The following PDE4DIP variants were observed in gnomAD, a reference collection of about 807,000 sequenced individuals.
PDE4DIP encodes phosphodiesterase 4D interacting protein, also known as myomegalin.
Under a neutral mutation model 221.4 loss-of-function variants are expected in PDE4DIP, and 59 were observed. That is an observed-to-expected ratio of 0.27 (90% confidence interval 0.22 to 0.33). PDE4DIP has a LOEUF of 0.33. PDE4DIP is among the 10% of genes least tolerant of loss of function. The pLI is 1.00. For synonymous variants in PDE4DIP, 404 were observed against 815.9 expected (o/e 0.50, Z 8.60); for missense variants, 1,036 against 2,154.2 (o/e 0.48, Z 10.28).
intron 37 of PDE4DIP, 149 bp from the exon 41 acceptor site, chr1:149,024,296 C>T (rs1371588239): frequency 4.2e-6 from 3 of 722,018 alleles, no homozygotes; most frequent in Non-Finnish European, 4.6e-6. Context: ...CCAGGCCACA[C>T]ACAGAAATGG....
At chr1:148,861,554 C>T (rs1388342099) in intron 1 of PDE4DIP, among the ~76,000 whole-genome samples, 3 of 54,474 alleles carry the variant, frequency 5.5e-5, no homozygotes, top group African/African-American at 2.1e-4. Flanking sequence ...AGGAGAATCG[C>T]TTGAACCTGG....
chr1:148,927,859 T>C (rs1348014624), intron 1 of PDE4DIP, among the ~76,000 whole-genome samples: 3 of 152,136 alleles, frequency 2.0e-5, no homozygotes, highest in African/African-American at 7.2e-5. Flanking sequence ...CCTACAAACC[T>C]GCCCCTATTT....
chr1:149,029,952 A>C (rs2798856), intron 42 of PDE4DIP, 27 bp downstream of exon 45: 52 of 1,103,032 alleles, frequency 4.7e-5, no homozygotes, highest in South Asian at 2.9e-4. Flanking sequence ...GGAATGGGGG[A>C]AGAAACAGGC....
intron 23 of PDE4DIP, among the ~76,000 whole-genome samples, chr1:148,998,719 A>T (rs1455816914): frequency 7.1e-6 from 1 of 140,482 alleles, no homozygotes; most frequent in Admixed American, 7.1e-5. Flanking sequence ...AGAACAGTTC[A>T]CGAAGGAGGA....
At chr1:149,001,621 T>A in exon 24 of PDE4DIP, 1 of 1,613,214 alleles carries the variant, frequency 6.2e-7, no homozygotes, top group Admixed American at 1.7e-5. Context: ...GCCTTGAGAA[T>A]GCGGAGCTGA....
chr1:148,967,543 C>T (rs1228720453), intron 12 of PDE4DIP, among the ~76,000 whole-genome samples, 183 bp from the exon 16 acceptor site: 2 of 152,248 alleles, frequency 1.3e-5, no homozygotes, highest in Admixed American at 6.5e-5. Context: ...TCTCCACAAA[C>T]TAGATAAAAG....
At chr1:148,937,960 AAC>A (rs1553476481) in intron 5 of PDE4DIP, 96 bp downstream of exon 8, 2 of 577,830 alleles carry the variant, frequency 3.5e-6, no homozygotes, top group African/African-American at 3.8e-5. Flanking sequence ...ATTGTTGTGT[AAC>A]AGATTACTAC....
chr1:148,929,405 A>G (rs2047346617), intron 2 of PDE4DIP, 132 bp downstream of exon 5: 5 of 1,249,392 alleles, frequency 4.0e-6, no homozygotes, highest in Non-Finnish European at 4.4e-6. Flanking sequence ...AACTGAAACA[A>G]TAGATTTTCA....
intron 5 of PDE4DIP, among the ~76,000 whole-genome samples, chr1:148,958,107 C>G (rs1553504315): frequency 7.7e-6 from 1 of 129,258 alleles, no homozygotes; most frequent in East Asian, 2.5e-4. Flanking sequence ...TGAAGGCTTC[C>G]TGTTATACTC....
intron 26 of PDE4DIP, among the ~76,000 whole-genome samples, chr1:149,004,198 C>T (rs1553588779): frequency 6.6e-6 from 1 of 151,694 alleles, no homozygotes; most frequent in South Asian, 2.1e-4. Flanking sequence ...TGAAAACTTT[C>T]CTATGTCCCA....
At chr1:149,000,969 A>G (rs1488484724) in intron 23 of PDE4DIP, among the ~76,000 whole-genome samples, 2 of 150,508 alleles carry the variant, frequency 1.3e-5, no homozygotes, top group Admixed American at 6.6e-5. Flanking sequence ...TATTTCTTCA[A>G]CAAATATGAA....
intron 19 of PDE4DIP, 39 bp downstream of exon 22, chr1:148,978,454 AT>A (rs781961985): frequency 2.0e-5 from 27 of 1,356,930 alleles, no homozygotes; most frequent in Non-Finnish European, 2.6e-5. Context: ...ATTTATTTAC[AT>A]TTTTTTGTAT....
At chr1:149,026,503 A>T in intron 38 of PDE4DIP, 1 of 354,582 alleles carries the variant, frequency 2.8e-6, no homozygotes, top group Non-Finnish European at 5.1e-6. Context: ...CCCCTCAATT[A>T]CAGGAATATC....
rs587639549 is a variant in PDE4DIP, at chr1:149,010,890, C to T, written c.5080+295C>T. 2.0e-3 allele frequency among the ~76,000 whole-genome samples: 288 copies of T among 146,856 alleles called. 1 individual carries two copies. The highest frequency in any genetic ancestry group is 3.4e-3 in the Non-Finnish European group (229 of 67,254). On this transcript the variant is annotated intron_variant, in intron 31 of 43. Coordinates refer to ENST00000369354, the Ensembl canonical transcript of PDE4DIP. ...TCATTTTATCCTGGGAGCAAAGAGGCAAAATGTTTCTCCCAGGATTACAAC... is the reference window on the plus strand; with the variant it reads ...TCATTTTATCCTGGGAGCAAAGAGGTAAAATGTTTCTCCCAGGATTACAAC...
chr1:148,973,422 G>A (rs587677543), intron 16 of PDE4DIP, among the ~76,000 whole-genome samples: 10 of 151,110 alleles, frequency 6.6e-5, no homozygotes, highest in Admixed American at 2.6e-4. Flanking sequence ...GAGCCACTGC[G>A]CCCAGCCGCT....
intron 22 of PDE4DIP, among the ~76,000 whole-genome samples, chr1:148,997,450 G>A (rs1233134564): frequency 2.0e-5 from 3 of 151,566 alleles, no homozygotes; most frequent in Non-Finnish European, 4.4e-5. Flanking sequence ...TTGTCTGGCA[G>A]CATCAGCACA....
chr1:148,953,143 C>T (rs782272111), intron 5 of PDE4DIP: 9 of 1,613,940 alleles, frequency 5.6e-6, no homozygotes, highest in South Asian at 1.1e-5. Context: ...CCGTCTTACC[C>T]GATGCGAGAT....
At chr1:148,969,762 G>A (rs1302682258) in intron 14 of PDE4DIP, among the ~76,000 whole-genome samples, 5 of 148,780 alleles carry the variant, frequency 3.4e-5, no homozygotes, top group Admixed American at 6.7e-5. Context: ...GCTGGAGTGC[G>A]ATGGCGCAAT....
intron 1 of PDE4DIP, among the ~76,000 whole-genome samples, chr1:148,821,446 G>A (rs1235580788): frequency 8.0e-5 from 12 of 150,850 alleles, no homozygotes; most frequent in African/African-American, 2.2e-4. Flanking sequence ...CAGTGAGGAC[G>A]TAGACAGAAA....
Sources: gnomAD v4.1 joint callset for allele counts (sites outside exome capture counted in the v4.1 genomes callset) on GRCh38, gnomAD v4.1.1 for gene constraint, MANE v1.5 for transcripts, NCBI Gene and HGNC (gene_info 2026-07-23, HGNC 2026-07-21) for gene names.